The following MYO5B variants were observed in gnomAD, a reference collection of about 807,000 sequenced individuals.
The protein encoded by MYO5B is myosin VB, also known as unconventional myosin-Vb.
MYO5B carries 143 observed loss-of-function variants against 229.3 expected under a neutral mutation model. The observed-to-expected ratio is 0.62, with a 90% CI of 0.54 to 0.72. MYO5B has a LOEUF of 0.72. Among genes scored for constraint, MYO5B ranks in the 30% least tolerant of loss-of-function variants. The pLI is 0.00. For missense variants in MYO5B, 2,321 were observed against 2,331.0 expected, an observed-to-expected ratio of 1.00 and a Z score of 0.09; for synonymous variants, 918 against 885.2, an observed-to-expected ratio of 1.04 and a Z score of -0.66.
At chr18:49,845,245 C>T (rs138000662) in intron 33 of MYO5B, among the ~76,000 whole-genome samples, 2 of 152,196 alleles carry the variant, frequency 1.3e-5, no homozygotes, top group Admixed American at 6.5e-5. Context: ...GATAAACTTA[C>T]ACCACATTTA....
chr18:49,944,459 A>G (rs1568041154), intron 14 of MYO5B, among the ~76,000 whole-genome samples: 1 of 152,110 alleles, frequency 6.6e-6, no homozygotes, highest in Non-Finnish European at 1.5e-5. Context: ...GAGACCATGG[A>G]GACCAGAAGA....
chr18:50,016,994 C>T (rs1356705657), intron 4 of MYO5B, among the ~76,000 whole-genome samples: 1 of 152,032 alleles, frequency 6.6e-6, no homozygotes, highest in African/African-American at 2.4e-5. Context: ...CCCAATCTAC[C>T]CTACCATCCC....
At position 49,955,441 on chromosome 18, in the gene MYO5B, G is replaced by A. The variant is rs555028161; in HGVS notation, c.1546-1006C>T. Among the ~76,000 whole-genome samples the A allele has an allele frequency of 4.6e-5, 7 of 152,220 alleles. No homozygotes were observed. In the South Asian group the frequency reaches 1.5e-3, roughly 32 times the overall value. ...CAGTATCAGTCCAGTCCTCAGTGAC[G>A]GGTCACTAACTGACCTGCCCTTCTT... On this transcript the variant is annotated intron_variant, in intron 12 of 39. Transcript: ENST00000285039.
At chr18:50,106,592 G>A (rs1025237099) in intron 1 of MYO5B, among the ~76,000 whole-genome samples, 4 of 152,018 alleles carry the variant, frequency 2.6e-5, no homozygotes, top group East Asian at 1.9e-4. Context: ...TGGAATGCTC[G>A]CCCACCCTAT....
At chr18:50,014,278 G>GAAAAAA (rs374397757) in intron 4 of MYO5B, among the ~76,000 whole-genome samples, 3 of 55,562 alleles carry the variant, frequency 5.4e-5, no homozygotes, top group African/African-American at 8.5e-5. Flanking sequence ...GATGAGAAAG[G>GAAAAAA]AAAAAAAAAA....
At chr18:50,094,640 A>C (rs1599016518) in intron 1 of MYO5B, among the ~76,000 whole-genome samples, 1 of 152,260 alleles carries the variant, frequency 6.6e-6, no homozygotes, top group African/African-American at 2.4e-5. Context: ...AAGGGAAAAA[A>C]CCTATATGGA....
intron 1 of MYO5B, among the ~76,000 whole-genome samples, chr18:50,172,950 T>G (rs1259305407): frequency 6.6e-6 from 1 of 152,222 alleles, no homozygotes; most frequent in Non-Finnish European, 1.5e-5. Context: ...GCCAGACACC[T>G]GCACTGTTCA....
chr18:49,836,056 T>C (rs2023983477), intron 38 of MYO5B, among the ~76,000 whole-genome samples: 1 of 152,362 alleles, frequency 6.6e-6, no homozygotes, highest in African/African-American at 2.4e-5. Context: ...AATATTTTAA[T>C]AGTAAGCAGA....
At chr18:50,153,681 C>T (rs927096765) in intron 1 of MYO5B, among the ~76,000 whole-genome samples, 1 of 152,170 alleles carries the variant, frequency 6.6e-6, no homozygotes, top group Non-Finnish European at 1.5e-5. Flanking sequence ...AACTCCTGAC[C>T]TCTAGTGATC....
intron 4 of MYO5B, among the ~76,000 whole-genome samples, chr18:50,031,304 G>A (rs186738842): frequency 2.3e-4 from 35 of 152,234 alleles, no homozygotes; most frequent in African/African-American, 7.7e-4. Flanking sequence ...TCAGGTAATG[G>A]AGGAAGCTGT....
chr18:49,863,111 A>G, intron 29 of MYO5B, 116 bp downstream of exon 29: 2 of 816,238 alleles, frequency 2.5e-6, no homozygotes, highest in Non-Finnish European at 4.2e-6. Flanking sequence ...CCTCTAATAA[A>G]TAATTCTCTG....
intron 36 of MYO5B, among the ~76,000 whole-genome samples, chr18:49,838,028 A>G (rs2024011440): frequency 6.6e-6 from 1 of 152,230 alleles, no homozygotes; most frequent in Non-Finnish European, 1.5e-5. Flanking sequence ...TTTACTGGCA[A>G]TTAGACAAAG....
At chr18:50,083,235 C>T (rs2031259217) in intron 1 of MYO5B, among the ~76,000 whole-genome samples, 1 of 152,218 alleles carries the variant, frequency 6.6e-6, no homozygotes, top group Non-Finnish European at 1.5e-5. Context: ...CCCAGCACCT[C>T]AATGTGTTTA....
intron 1 of MYO5B, among the ~76,000 whole-genome samples, chr18:50,187,385 T>G (rs772729398): frequency 6.6e-6 from 1 of 152,248 alleles, no homozygotes; most frequent in Non-Finnish European, 1.5e-5. Flanking sequence ...CACTGTCTCC[T>G]GAGGTGATGC....
chr18:50,015,477 G>T (rs1197860693), intron 4 of MYO5B, among the ~76,000 whole-genome samples: 1 of 152,156 alleles, frequency 6.6e-6, no homozygotes, highest in Non-Finnish European at 1.5e-5. Flanking sequence ...TTCAGTAATA[G>T]TTATAAGAAG....
At chr18:49,864,506 G>C in intron 27 of MYO5B, 126 bp from the exon 28 acceptor site, 1 of 1,349,950 alleles carries the variant, frequency 7.4e-7, no homozygotes, top group Non-Finnish European at 1.0e-6. Flanking sequence ...TGACACACAT[G>C]GAAAGTTCTG....
chr18:50,154,044 T>TTC (rs901497234), intron 1 of MYO5B, among the ~76,000 whole-genome samples: 3 of 152,172 alleles, frequency 2.0e-5, no homozygotes, highest in African/African-American at 7.2e-5. Flanking sequence ...CACAGGACCC[T>TTC]TCTCTGCCTT....
At chr18:49,830,733 T>C (rs1245657715) in intron 39 of MYO5B, among the ~76,000 whole-genome samples, 1 of 147,650 alleles carries the variant, frequency 6.8e-6, no homozygotes, top group African/African-American at 2.5e-5. Flanking sequence ...CTATATTCCC[T>C]GAGGCAGGAG....
intron 1 of MYO5B, among the ~76,000 whole-genome samples, chr18:50,144,859 C>G (rs956229398): frequency 1.3e-5 from 2 of 152,188 alleles, no homozygotes; most frequent in Admixed American, 6.5e-5. Flanking sequence ...ACCCCTCCCC[C>G]AGATCACTTC....
Sources: allele counts gnomAD v4.1 joint callset (sites outside exome capture counted in the v4.1 genomes callset), GRCh38; gene constraint gnomAD v4.1.1; transcripts MANE v1.5; gene names NCBI Gene and HGNC (gene_info 2026-07-23, HGNC 2026-07-21).